AUTS2: variants seen among roughly 807,000 people sequenced by gnomAD.
The protein encoded by AUTS2 is activator of transcription and developmental regulator AUTS2.
AUTS2 carries 17 observed loss-of-function variants against 112.4 expected under a neutral mutation model. That is an observed-to-expected ratio of 0.15 (90% CI 0.10 to 0.23). AUTS2 has a LOEUF of 0.23. Ranked by LOEUF, AUTS2 falls within the 10% of genes least tolerant of loss-of-function variation. The probability of loss-of-function intolerance (pLI) is 1.00; values close to 1 mark genes in which losing one functional copy is unlikely to be tolerated. For missense variants in AUTS2, 1,510 were observed against 1,701.6 expected (o/e 0.89, Z 1.98); for synonymous variants, 751 against 702.7 (o/e 1.07, Z -1.09).
At chr7:70,032,723 C>T (rs1235249471) in intron 2 of AUTS2, among the ~76,000 whole-genome samples, 1 of 152,002 alleles carries the variant, frequency 6.6e-6, no homozygotes, top group Non-Finnish European at 1.5e-5. Context: ...AATGGATGAG[C>T]TGTAGGGCTG....
At chr7:70,720,753 A>T (rs1786594807) in intron 6 of AUTS2, among the ~76,000 whole-genome samples, 1 of 152,198 alleles carries the variant, frequency 6.6e-6, no homozygotes, top group Non-Finnish European at 1.5e-5. Context: ...TTCCAAACTC[A>T]GCACCTTTAG....
chr7:70,282,595 T>A (rs1562848222), intron 4 of AUTS2, among the ~76,000 whole-genome samples: 1 of 152,132 alleles, frequency 6.6e-6, no homozygotes, highest in Non-Finnish European at 1.5e-5. Flanking sequence ...CCACCTCCAC[T>A]AAAGGCCCAC....
At chr7:69,603,950 C>G (rs1792573254) in intron 1 of AUTS2, among the ~76,000 whole-genome samples, 1 of 152,140 alleles carries the variant, frequency 6.6e-6, no homozygotes, top group South Asian at 2.1e-4. Flanking sequence ...TGGCTGAAAA[C>G]TTGACTTTGC....
chr7:70,315,270 C>T (rs1357759), intron 4 of AUTS2, among the ~76,000 whole-genome samples: 44,383 of 152,014 alleles, frequency 0.29, 6,792 homozygotes, highest in African/African-American at 0.38. Context: ...CTTAAATATT[C>T]GTCAGTATCC....
intron 10 of AUTS2, among the ~76,000 whole-genome samples, chr7:70,770,142 G>A (rs188204273): frequency 6.6e-6 from 1 of 152,276 alleles, no homozygotes; most frequent in African/African-American, 2.4e-5. Context: ...CTGCTTTGGG[G>A]ATTAGGACAT....
chr7:69,720,059 C>A (rs775038150), intron 1 of AUTS2, among the ~76,000 whole-genome samples: 1 of 152,046 alleles, frequency 6.6e-6, no homozygotes, highest in Non-Finnish European at 1.5e-5. Context: ...TAGAAGTAGT[C>A]CAAGAAGAGT....
At chr7:70,433,669 G>A (rs924470905) in intron 4 of AUTS2, among the ~76,000 whole-genome samples, 9 of 152,174 alleles carry the variant, frequency 5.9e-5, no homozygotes, top group Non-Finnish European at 7.3e-5. Context: ...ATGATGCACC[G>A]TACTTGGTTA....
chr7:70,219,951 A>G (rs1007707612), intron 4 of AUTS2, among the ~76,000 whole-genome samples: 2 of 152,192 alleles, frequency 1.3e-5, no homozygotes, highest in Non-Finnish European at 2.9e-5. Context: ...TATGTAGTTG[A>G]GTCACATTAA....
At chr7:70,679,589 A>G (rs1422435797) in intron 5 of AUTS2, among the ~76,000 whole-genome samples, 1 of 143,966 alleles carries the variant, frequency 6.9e-6, no homozygotes, top group Non-Finnish European at 1.5e-5. Flanking sequence ...TTTTCAAGCC[A>G]AACTTTCATG....
intron 4 of AUTS2, among the ~76,000 whole-genome samples, chr7:70,429,807 C>A (rs1045677069): frequency 6.6e-6 from 1 of 151,642 alleles, no homozygotes; most frequent in Non-Finnish European, 1.5e-5. Context: ...AAGTAATTGT[C>A]GTAACATATT....
chr7:70,028,583 G>A (rs185729688), intron 2 of AUTS2, among the ~76,000 whole-genome samples: 129 of 152,224 alleles, frequency 8.5e-4, no homozygotes, highest in Non-Finnish European at 1.1e-3. Context: ...TTCTGGTGTC[G>A]TCACTTCTAT....
At chr7:69,635,245 A>G (rs1266184215) in intron 1 of AUTS2, among the ~76,000 whole-genome samples, 2 of 152,182 alleles carry the variant, frequency 1.3e-5, no homozygotes, top group African/African-American at 2.4e-5. Flanking sequence ...TGGGCTATAC[A>G]GGTTTTCATC....
At position 70,785,122 on chromosome 7, in the gene AUTS2, A is replaced by C. The variant is rs1282677996; in HGVS notation, c.2224+103A>C. On this transcript the variant is annotated intron_variant, in intron 16 of 18. Transcript: ENST00000342771. The stretch of plus-strand genomic sequence containing the variant: ...CTCCGGGCAAGCTGGTGGGAGTCCC[A>C]GATACCCTGCTTACCATTTAGGCAG... 1.3e-5 allele frequency: 15 copies of C among 1,197,622 alleles called. No homozygotes were observed. The Middle Eastern group carries it at 1.0e-3, about 81-fold the overall frequency. The allele number at this position is 1,197,622 out of a possible 1,614,324, so 74.2% of individuals were successfully genotyped here. A position where few individuals can be genotyped will look rare whatever the true frequency, so the allele number is the denominator to read the frequency against.
At chr7:70,274,594 A>C (rs557093151) in intron 4 of AUTS2, among the ~76,000 whole-genome samples, 25 of 152,132 alleles carry the variant, frequency 1.6e-4, no homozygotes, top group Non-Finnish European at 3.1e-4. Context: ...CCCAGCCTTC[A>C]ATTTTTTTGT....
intron 2 of AUTS2, among the ~76,000 whole-genome samples, chr7:70,033,784 A>G (rs1584611327): frequency 6.6e-6 from 1 of 152,244 alleles, no homozygotes; most frequent in East Asian, 1.9e-4. Context: ...GAAGTAGAAT[A>G]TAACTGTGGT....
intron 18 of AUTS2, among the ~76,000 whole-genome samples, 191 bp from the exon 19 acceptor site, chr7:70,789,557 T>G (rs1791737149): frequency 6.6e-6 from 1 of 152,008 alleles, no homozygotes; most frequent in Admixed American, 6.6e-5. Flanking sequence ...TTAAGCTTCC[T>G]CTAAAATCTA....
At chr7:70,556,771 G>A (rs943273567) in intron 5 of AUTS2, among the ~76,000 whole-genome samples, 1 of 152,118 alleles carries the variant, frequency 6.6e-6, no homozygotes, top group African/African-American at 2.4e-5. Context: ...TCTCCCTTAA[G>A]TTCTGGATCC....
At chr7:70,699,203 A>G (rs1261867337) in intron 6 of AUTS2, 1 of 119,504 alleles carries the variant, frequency 8.4e-6, no homozygotes, top group Non-Finnish European at 1.9e-5. Context: ...CATTGCCAGT[A>G]GGTTTCTGCG....
intron 1 of AUTS2, among the ~76,000 whole-genome samples, chr7:69,749,561 A>T (rs991427987): frequency 6.6e-6 from 1 of 152,142 alleles, no homozygotes; most frequent in African/African-American, 2.4e-5. Flanking sequence ...TAGCCAATTT[A>T]GCTTTTTCCC....
Sources: allele counts gnomAD v4.1 joint callset (sites outside exome capture counted in the v4.1 genomes callset), GRCh38; gene constraint gnomAD v4.1.1; transcripts MANE v1.5; gene names NCBI Gene and HGNC (gene_info 2026-07-23, HGNC 2026-07-21).